The following GRM5 variants were observed in gnomAD, a reference collection of about 807,000 sequenced individuals.
The protein encoded by GRM5 is glutamate metabotropic receptor 5, also known as metabotropic glutamate receptor 5.
Under a neutral mutation model 83.1 loss-of-function variants are expected in GRM5, and 19 were observed. The observed-to-expected ratio is 0.23, with a 90% CI of 0.16 to 0.34. The LOEUF (loss-of-function observed/expected upper bound fraction) is 0.34, where lower values mean the gene tolerates loss of function less well. GRM5 is among the 10% of genes least tolerant of loss of function. The pLI, the probability that GRM5 is intolerant of heterozygous loss-of-function variation, is 1.00. For synonymous variants in GRM5, 675 were observed against 633.6 expected, an observed-to-expected ratio of 1.07 and a Z score of -0.98; for missense variants, 1,160 against 1,588.3, an observed-to-expected ratio of 0.73 and a Z score of 4.58.
intron 2 of GRM5, among the ~76,000 whole-genome samples, chr11:88,897,141 A>C (rs577192809): frequency 6.6e-5 from 10 of 152,104 alleles, no homozygotes; most frequent in African/African-American, 2.2e-4. Context: ...GTCTGGAAGA[A>C]ATCAACCTTC....
chr11:88,807,338 A>T (rs1943515246), intron 3 of GRM5, among the ~76,000 whole-genome samples: 1 of 152,104 alleles, frequency 6.6e-6, no homozygotes, highest in African/African-American at 2.4e-5. Flanking sequence ...ACAAACCTAT[A>T]CTAGACTCAA....
chr11:88,715,084 G>T (rs1051830899), intron 3 of GRM5, among the ~76,000 whole-genome samples: 5 of 151,828 alleles, frequency 3.3e-5, no homozygotes, highest in African/African-American at 1.2e-4. Flanking sequence ...TGTATATTTC[G>T]CCTTCATAAA....
intron 3 of GRM5, among the ~76,000 whole-genome samples, chr11:88,672,943 GT>G (rs1591430713): frequency 6.6e-6 from 1 of 151,906 alleles, no homozygotes; most frequent in Admixed American, 6.6e-5. Flanking sequence ...GAGTCTTGAA[GT>G]TTTTGCAAAA....
chr11:88,786,698 T>G (rs1943074508), intron 3 of GRM5, among the ~76,000 whole-genome samples: 1 of 152,094 alleles, frequency 6.6e-6, no homozygotes, highest in Non-Finnish European at 1.5e-5. Context: ...CTACCTTATT[T>G]TAAAACATCA....
intron 3 of GRM5, among the ~76,000 whole-genome samples, chr11:88,756,157 A>G (rs1942389787): frequency 6.6e-6 from 1 of 152,142 alleles, no homozygotes; most frequent in African/African-American, 2.4e-5. Context: ...TAACAGTCTG[A>G]CTGTGTTTCG....
intron 2 of GRM5, among the ~76,000 whole-genome samples, chr11:89,027,261 A>T (rs1457922264): frequency 1.3e-5 from 2 of 151,818 alleles, no homozygotes; most frequent in South Asian, 2.1e-4. Context: ...ACATCCAACA[A>T]ATTTTTGTAT....
At chr11:89,006,018 G>A (rs943507960) in intron 2 of GRM5, among the ~76,000 whole-genome samples, 14 of 152,106 alleles carry the variant, frequency 9.2e-5, no homozygotes, top group Admixed American at 3.3e-4. Flanking sequence ...AGGGGCAGTC[G>A]TTGAAAAAGG....
At chr11:88,670,330 T>C (rs1011626345) in intron 3 of GRM5, among the ~76,000 whole-genome samples, 5 of 151,956 alleles carry the variant, frequency 3.3e-5, no homozygotes, top group Admixed American at 6.6e-5. Flanking sequence ...CACCATAGAA[T>C]AGGAAAGAGT....
At chr11:88,973,618 A>G (rs1444083510) in intron 2 of GRM5, among the ~76,000 whole-genome samples, 1 of 152,172 alleles carries the variant, frequency 6.6e-6, no homozygotes, top group East Asian at 1.9e-4. Context: ...CATCCTGCCA[A>G]TACCCTGATT....
chr11:88,788,185 A>G lies in GRM5; in HGVS notation c.911+61721T>C, dbSNP rs11825441. On this transcript the variant is annotated intron_variant, in intron 3 of 9. Coordinates refer to ENST00000305447, the MANE Select transcript of GRM5 (RefSeq NM_001143831.3). ...AACAGGCCATTGCATATAAATTGTT[A>G]GCTCCAGAATAACTTTTCAAAAATA... Among the ~76,000 whole-genome samples the G allele has an allele frequency of 1.4e-3, 217 of 152,276 alleles. 1 individual carries two copies. The highest frequency in any genetic ancestry group is 5.0e-3 in the African/African-American group (208 of 41,586).
At chr11:88,760,849 C>T (rs1481422852) in intron 3 of GRM5, among the ~76,000 whole-genome samples, 2 of 152,194 alleles carry the variant, frequency 1.3e-5, no homozygotes, top group South Asian at 2.1e-4. Context: ...CATCAAAAAG[C>T]TTATCCGTCA....
chr11:88,547,584 C>T (rs970882943), intron 8 of GRM5, among the ~76,000 whole-genome samples: 3 of 152,146 alleles, frequency 2.0e-5, no homozygotes, highest in African/African-American at 7.2e-5. Context: ...TCTATGAGTT[C>T]CTTTAATAGA....
chr11:88,750,715 C>A (rs1369059436), intron 3 of GRM5, among the ~76,000 whole-genome samples: 1 of 152,046 alleles, frequency 6.6e-6, no homozygotes, highest in South Asian at 2.1e-4. Context: ...GAACTTAAAT[C>A]ATAACAAACA....
At chr11:88,785,307 G>T (rs1023610238) in intron 3 of GRM5, among the ~76,000 whole-genome samples, 1 of 151,942 alleles carries the variant, frequency 6.6e-6, no homozygotes, top group Non-Finnish European at 1.5e-5. Flanking sequence ...TTCTGTTTTG[G>T]TAGTTATTCT....
intron 2 of GRM5, among the ~76,000 whole-genome samples, chr11:88,892,762 C>T (rs1018430460): frequency 6.6e-6 from 1 of 151,976 alleles, no homozygotes; most frequent in African/African-American, 2.4e-5. Flanking sequence ...AAGTGGTGAT[C>T]TCCTGCAGCT....
chr11:88,657,840 C>A (rs1256810144), intron 3 of GRM5, among the ~76,000 whole-genome samples: 1 of 152,038 alleles, frequency 6.6e-6, no homozygotes, highest in Non-Finnish European at 1.5e-5. Flanking sequence ...ATCAATAGTC[C>A]CAGTATCTCA....
In GRM5 at chr11:88,872,771, A is replaced by T. The variant is rs376449219; in HGVS notation, c.662-22616T>A. On this transcript the variant is annotated intron_variant, in intron 2 of 9. Coordinates refer to ENST00000305447, the MANE Select transcript of GRM5 (RefSeq NM_001143831.3). ...GCATATTACTAGAAAAAATCACTTA[A>T]TCACAAAGAACAAATGTAAAAGAAG... Among the ~76,000 whole-genome samples, 6 of 151,612 alleles carry T rather than the reference A, an allele frequency of 4.0e-5. No homozygotes were observed. In the East Asian group the frequency reaches 5.8e-4, roughly 15 times the overall value.
intron 3 of GRM5, among the ~76,000 whole-genome samples, chr11:88,766,471 C>T (rs1376736644): frequency 6.6e-6 from 1 of 151,682 alleles, no homozygotes; most frequent in South Asian, 2.1e-4. Context: ...ACTCTATTCA[C>T]TTAATGGTAC....
Position 88,509,239 on chromosome 11 carries a change from T to C in GRM5, c.2992A>G (p.Lys998Glu), listed in dbSNP as rs1941286047. The change falls in exon 10 of 10, where the codon AAG becomes GAG. Residue 998 changes from lysine to glutamate, a missense_variant. Physicochemically the swap from Lys to Glu is moderately conservative, Grantham distance 56. Coordinates refer to ENST00000305447, the MANE Select transcript of GRM5 (RefSeq NM_001143831.3). The stretch of plus-strand genomic sequence containing the variant: ...GCCTCGGCCACATCATACAGCGCCT[T>C]GGGGCCGGCGTCTGGGGACTCGGGC... ...GGPESPDAGP[K>E]ALYDVAEAEE... The C allele has an allele frequency of 2.7e-6, 4 of 1,500,994 alleles. No individual in the cohort carries two copies. Among genetic ancestry groups the C allele is most frequent in the Non-Finnish European group, 3.5e-6 (4 of 1,127,886 alleles). The allele number at this position is 1,500,994 out of a possible 1,614,324, so 93.0% of individuals were successfully genotyped here. A position where few individuals can be genotyped will look rare whatever the true frequency, so the allele number is the denominator to read the frequency against.
Sources: allele counts gnomAD v4.1 joint callset (sites outside exome capture counted in the v4.1 genomes callset), GRCh38; gene constraint gnomAD v4.1.1; transcripts MANE v1.5; gene names NCBI Gene and HGNC (gene_info 2026-07-23, HGNC 2026-07-21).